SCOC: variants seen among roughly 807,000 people sequenced by gnomAD.
SCOC encodes the protein short coiled-coil protein.
In SCOC, 7 loss-of-function variants were observed where a neutral mutation model predicts 9.9. The observed-to-expected ratio is 0.71, with a 90% CI of 0.40 to 1.33. The LOEUF (loss-of-function observed/expected upper bound fraction) is 1.33, where lower values mean the gene tolerates loss of function less well. Ranked by LOEUF, SCOC falls within the 40% of genes most tolerant of loss-of-function variation. SCOC has a pLI of 0.01. For synonymous variants in SCOC, 19 were observed against 28.2 expected, an observed-to-expected ratio of 0.67 and a Z score of 1.03; for missense variants, 66 against 89.7, an observed-to-expected ratio of 0.74 and a Z score of 1.07.
At chr4:140,344,886 G>A (rs1323397230) in intron 2 of SCOC, among the ~76,000 whole-genome samples, 1 of 152,152 alleles carries the variant, frequency 6.6e-6, no homozygotes, top group Admixed American at 6.5e-5. Flanking sequence ...TGCTTGCTTA[G>A]AATGTGACTC....
intron 1 of SCOC, among the ~76,000 whole-genome samples, chr4:140,307,793 G>T (rs1007395701): frequency 6.6e-6 from 1 of 152,184 alleles, no homozygotes; most frequent in Non-Finnish European, 1.5e-5. Flanking sequence ...ATTAGGGATT[G>T]TATGCCTTTA....
chr4:140,376,762 C>T (rs1408303351), intron 1 of SCOC: 1 of 152,050 alleles, frequency 6.6e-6, no homozygotes, highest in African/African-American at 2.4e-5. Context: ...GCTTCTTTTT[C>T]TTTACCTCTT....
chr4:140,370,042 G>C (rs559282037), upstream of SCOC, among the ~76,000 whole-genome samples: 2 of 151,992 alleles, frequency 1.3e-5, no homozygotes, highest in East Asian at 3.9e-4. Context: ...GCTGAGTCAT[G>C]CAAGAGCTGC....
chr4:140,323,697 C>A (rs1265141398), intron 1 of SCOC, among the ~76,000 whole-genome samples: 1 of 152,116 alleles, frequency 6.6e-6, no homozygotes, highest in Non-Finnish European at 1.5e-5. Context: ...AGATACCTAA[C>A]CTGAATACTC....
chr4:140,316,119 C>G (rs1246935771), intron 1 of SCOC, among the ~76,000 whole-genome samples: 3 of 152,134 alleles, frequency 2.0e-5, no homozygotes, highest in Non-Finnish European at 4.4e-5. Flanking sequence ...ATGATAATGT[C>G]AAGCATCTCT....
At chr4:140,272,818 A>G (rs1730879097) in intron 1 of SCOC, among the ~76,000 whole-genome samples, 1 of 152,094 alleles carries the variant, frequency 6.6e-6, no homozygotes, top group Non-Finnish European at 1.5e-5. Context: ...GTGGGGAAGG[A>G]AGGCGGGGAG....
chr4:140,331,698 G>A lies in SCOC; in HGVS notation c.-18-11923G>A, dbSNP rs1291000190. Reference sequence around the variant, plus strand: ...ATTTCTAAGTGTGGACAGCTACAAGGCATCTGTCCTGTGGCTTTACACACC... The same window carrying A: ...ATTTCTAAGTGTGGACAGCTACAAGACATCTGTCCTGTGGCTTTACACACC... On this transcript the variant is annotated intron_variant, in intron 1 of 4. Coordinates refer to the SCOC transcript ENST00000394205. 2.0e-5 allele frequency among the ~76,000 whole-genome samples: 3 copies of A among 152,010 alleles called. 1 individual carries two copies. The highest frequency in any genetic ancestry group is 7.3e-5 in the African/African-American group (3 of 41,354).
At chr4:140,379,291 T>A in intron 2 of SCOC, 99 bp downstream of exon 2, 1 of 865,328 alleles carries the variant, frequency 1.2e-6, no homozygotes, top group Non-Finnish European at 1.9e-6. Context: ...TTAGAAGACT[T>A]TGATCTTGGC....
chr4:140,333,502 T>C (rs1485432906), intron 1 of SCOC, among the ~76,000 whole-genome samples: 3 of 152,218 alleles, frequency 2.0e-5, no homozygotes, highest in African/African-American at 7.2e-5. Context: ...GTTTCATTTA[T>C]GTTATAATCT....
chr4:140,357,870 C>CTT (rs3034547), intron 2 of SCOC, among the ~76,000 whole-genome samples: 143,630 of 152,182 alleles, frequency 0.94, 67,819 homozygotes, highest in East Asian at 1. Context: ...CACATCTTCT[C>CTT]TTTCTCCCCT....
upstream of SCOC, among the ~76,000 whole-genome samples, chr4:140,368,789 G>C (rs1281149518): frequency 6.6e-6 from 1 of 152,058 alleles, no homozygotes; most frequent in East Asian, 1.9e-4. Flanking sequence ...ATGAAATAGG[G>C]TGAACATAGA....
At chr4:140,257,573 G>GA (rs1384082267) in intron 1 of SCOC, among the ~76,000 whole-genome samples, 7 of 152,142 alleles carry the variant, frequency 4.6e-5, no homozygotes, top group African/African-American at 1.7e-4. Context: ...CTGAGGGCGA[G>GA]TCATCTGAGC....
intron 1 of SCOC, among the ~76,000 whole-genome samples, chr4:140,316,879 C>T (rs186022423): frequency 1.1e-3 from 170 of 152,092 alleles, no homozygotes; most frequent in African/African-American, 3.5e-3. Flanking sequence ...TACTAAATCT[C>T]TTTATTTTCT....
intron 1 of SCOC, among the ~76,000 whole-genome samples, chr4:140,374,818 A>G (rs78946790): frequency 1.6e-3 from 251 of 152,344 alleles, no homozygotes; most frequent in African/African-American, 5.5e-3. Flanking sequence ...TTGGCTGTGA[A>G]ACCTCTGAAA....
rs529030002 is a variant in SCOC, at chr4:140,305,523, A to C, written c.-18-38098A>C. 3.9e-5 allele frequency among the ~76,000 whole-genome samples: 6 copies of C among 152,338 alleles called. No individual in the cohort carries two copies. The East Asian group carries it at 1.2e-3, about 29-fold the overall frequency. On this transcript the variant is annotated intron_variant, in intron 1 of 4. Transcript: ENST00000394205. Reference sequence around the variant, plus strand: ...AACTGCAAGATCTCTGGCAAGAACAAACCAACAAACAAATGAACAAAATAA... The same window carrying C: ...AACTGCAAGATCTCTGGCAAGAACACACCAACAAACAAATGAACAAAATAA...
At chr4:140,362,707 G>A (rs1727623973) in intron 2 of SCOC, 1 of 152,110 alleles carries the variant, frequency 6.6e-6, no homozygotes, top group South Asian at 2.1e-4. Context: ...AATGGCCACT[G>A]ACTTCTACTG....
chr4:140,334,344 C>T (rs1732897428), intron 1 of SCOC, among the ~76,000 whole-genome samples: 1 of 152,152 alleles, frequency 6.6e-6, no homozygotes, highest in South Asian at 2.1e-4. Flanking sequence ...AATTGTGTTT[C>T]TATTTATCAC....
rs1217312808 is a variant in SCOC at position 140,324,534 on chromosome 4, A to G, written c.-18-19087A>G. 2.0e-5 allele frequency among the ~76,000 whole-genome samples: 3 copies of G among 152,292 alleles called. No individual in the cohort carries two copies. In the East Asian group the frequency reaches 5.8e-4, roughly 29 times the overall value. ...ATATACAAAAACCAATCATATTCCTATATTCCAGAAATGAATAGTTGTCAT... is the reference window on the plus strand; with the variant it reads ...ATATACAAAAACCAATCATATTCCTGTATTCCAGAAATGAATAGTTGTCAT... On this transcript the variant is annotated intron_variant, in intron 1 of 4. Transcript: ENST00000394205.
chr4:140,361,201 C>A (rs1015488120), intron 2 of SCOC, among the ~76,000 whole-genome samples: 1 of 147,544 alleles, frequency 6.8e-6, no homozygotes, highest in African/African-American at 2.5e-5. Flanking sequence ...CCATTTCTGT[C>A]AATGGTCCCT....
Sources: gnomAD v4.1 joint callset for allele counts (sites outside exome capture counted in the v4.1 genomes callset) on GRCh38, gnomAD v4.1.1 for gene constraint, MANE v1.5 for transcripts, NCBI Gene and HGNC (gene_info 2026-07-23, HGNC 2026-07-21) for gene names.